The following AK5 variants were observed in gnomAD, a reference collection of about 807,000 sequenced individuals.
AK5 encodes adenylate kinase 5.
In AK5, 27 loss-of-function variants were observed where a neutral mutation model predicts 69.5. The ratio of observed to expected loss-of-function variants is 0.39; its 90% CI spans 0.29 to 0.54. AK5 has a LOEUF of 0.54. Ranked by LOEUF, AK5 falls within the 20% of genes least tolerant of loss-of-function variation. The pLI is 0.71. For missense variants in AK5, 531 were observed against 700.4 expected (o/e 0.76, Z 2.73); for synonymous variants, 260 against 244.4 (o/e 1.06, Z -0.60).
rs182125389 is a variant in AK5, at chr1:77,356,976, G to A, written c.891+16408G>A. On this transcript the variant is annotated intron_variant, in intron 6 of 13. Coordinates refer to ENST00000354567, the MANE Select transcript of AK5 (RefSeq NM_174858.3). ...AAGCCCTTCAGAAGCTATTTGATAA[G>A]CTCTTGTGTTGATTTTTTCTCTCTT... 2.6e-5 allele frequency among the ~76,000 whole-genome samples: 4 copies of A among 152,202 alleles called. No individual in the cohort carries two copies. In the East Asian group the frequency reaches 7.7e-4, roughly 29 times the overall value.
chr1:77,293,487 A>C (rs1448444148), intron 2 of AK5: 1 of 212,358 alleles, frequency 4.7e-6, no homozygotes, highest in East Asian at 1.3e-4. Context: ...AGTTCATCTC[A>C]CTGCCTGTTT....
At chr1:77,399,744 A>G (rs1256365348) in intron 6 of AK5, among the ~76,000 whole-genome samples, 1 of 152,212 alleles carries the variant, frequency 6.6e-6, no homozygotes, top group African/African-American at 2.4e-5. Flanking sequence ...TAGTGATGAG[A>G]GGAGAAAAAC....
chr1:77,324,913 G>A (rs536760712), intron 5 of AK5, among the ~76,000 whole-genome samples: 1 of 151,792 alleles, frequency 6.6e-6, no homozygotes, highest in African/African-American at 2.4e-5. Flanking sequence ...CCTCTAACTT[G>A]AAGCTTGAAT....
chr1:77,334,721 A>G (rs552884464), intron 5 of AK5, among the ~76,000 whole-genome samples: 1 of 152,232 alleles, frequency 6.6e-6, no homozygotes, highest in South Asian at 2.1e-4. Context: ...ACACAATAAG[A>G]GTTTGAGAGT....
chr1:77,434,263 A>T (rs192346991), intron 8 of AK5, among the ~76,000 whole-genome samples: 46 of 152,226 alleles, frequency 3.0e-4, no homozygotes, highest in African/African-American at 8.9e-4. Flanking sequence ...AGAGTTTTAT[A>T]TGATCTTGGA....
intron 1 of AK5, among the ~76,000 whole-genome samples, chr1:77,285,849 GA>G (rs1658318695): frequency 6.6e-6 from 1 of 151,796 alleles, no homozygotes; most frequent in Non-Finnish European, 1.5e-5. Flanking sequence ...AGCTTTGAGG[GA>G]TTTTTTTTTT....
chr1:77,490,066 G>A (rs923482720), intron 10 of AK5, among the ~76,000 whole-genome samples: 1 of 152,100 alleles, frequency 6.6e-6, no homozygotes, highest in Non-Finnish European at 1.5e-5. Context: ...TTAATGACTA[G>A]AACAACAAAT....
chr1:77,310,897 G>A (rs1659914098), intron 5 of AK5, among the ~76,000 whole-genome samples: 1 of 151,812 alleles, frequency 6.6e-6, no homozygotes, highest in South Asian at 2.1e-4. Context: ...CATTAAATAA[G>A]GTTTTATAAT....
intron 8 of AK5, among the ~76,000 whole-genome samples, chr1:77,475,460 ATATAT>A (rs1470173087): frequency 0.012 from 54 of 4,684 alleles, 3 homozygotes; most frequent in South Asian, 0.1. Context: ...ATATACAAAT[ATATAT>A]TATATATGTA....
chr1:77,476,912 A>G (rs1654973007), intron 8 of AK5, among the ~76,000 whole-genome samples: 2 of 151,620 alleles, frequency 1.3e-5, no homozygotes, highest in Admixed American at 6.6e-5. Flanking sequence ...TTTTTTAAAA[A>G]AAAAAAACAG....
intron 8 of AK5, among the ~76,000 whole-genome samples, chr1:77,426,074 G>A (rs1428709991): frequency 6.6e-6 from 1 of 152,062 alleles, no homozygotes; most frequent in Non-Finnish European, 1.5e-5. Flanking sequence ...TAGGAACAAA[G>A]AACAAAAGCA....
At chr1:77,476,273 CT>C (rs34775316) in intron 8 of AK5, among the ~76,000 whole-genome samples, 35,347 of 151,946 alleles carry the variant, frequency 0.23, 4,780 homozygotes, top group South Asian at 0.39. Flanking sequence ...ATTTCCCATA[CT>C]TTTTTTCTTT....
intron 12 of AK5, among the ~76,000 whole-genome samples, chr1:77,522,896 T>A (rs989582183): frequency 7.2e-5 from 11 of 152,200 alleles, no homozygotes; most frequent in South Asian, 6.2e-4. Context: ...CGTTTTTTTT[T>A]AATAACCTTT....
intron 13 of AK5, among the ~76,000 whole-genome samples, chr1:77,543,579 G>A (rs1316768504): frequency 1.3e-5 from 2 of 151,510 alleles, no homozygotes; most frequent in Non-Finnish European, 2.9e-5. Flanking sequence ...TTGCCTAGTC[G>A]GGTTTGCAGT....
chr1:77,500,116 G>C (rs2100256511), intron 10 of AK5, among the ~76,000 whole-genome samples: 1 of 152,010 alleles, frequency 6.6e-6, no homozygotes, highest in South Asian at 2.1e-4. Flanking sequence ...ATAATGATAA[G>C]AGCAGAGGCT....
rs1570304322 is a variant in AK5 at position 77,521,877 on chromosome 1, C to T, written c.1362C>T (p.Asp454=). 21 of 1,613,690 alleles carry T rather than the reference C, an allele frequency of 1.3e-5. No homozygotes were observed. Among genetic ancestry groups the T allele is most frequent in the Non-Finnish European group, 1.8e-5 (21 of 1,179,884 alleles). The change falls in exon 12 of 14, where the codon GAC becomes GAT. Residue 454 remains aspartate, a synonymous_variant. Coordinates refer to ENST00000354567, the MANE Select transcript of AK5 (RefSeq NM_174858.3). ...LKEAMVASLG[D]TRGFLIDGYP... is the part of the protein sequence containing the mutation. ...AGGCCATGGTGGCCAGCCTCGGGGA[C>T]ACCAGGGGCTTCCTGATTGACGGCT... is the stretch of plus-strand genomic sequence containing the variant.
chr1:77,516,505 A>T (rs1657652478), intron 10 of AK5, among the ~76,000 whole-genome samples: 1 of 152,216 alleles, frequency 6.6e-6, no homozygotes, highest in East Asian at 1.9e-4. Context: ...ATGTATATCA[A>T]ACATCACATT....
At chr1:77,499,596 A>C (rs1656577643) in intron 10 of AK5, among the ~76,000 whole-genome samples, 1 of 152,092 alleles carries the variant, frequency 6.6e-6, no homozygotes, top group African/African-American at 2.4e-5. Flanking sequence ...AGCCACAAGC[A>C]GAACACCCTG....
chr1:77,326,404 T>TA (rs1288191460), intron 5 of AK5, among the ~76,000 whole-genome samples: 29 of 151,472 alleles, frequency 1.9e-4, no homozygotes, highest in African/African-American at 6.3e-4. Context: ...AACTTATTCC[T>TA]AAAAAAAAGA....
Sources: gnomAD v4.1 joint callset for allele counts (sites outside exome capture counted in the v4.1 genomes callset) on GRCh38, gnomAD v4.1.1 for gene constraint, MANE v1.5 for transcripts, NCBI Gene and HGNC (gene_info 2026-07-23, HGNC 2026-07-21) for gene names.